Variants in DPF2 observed in about 807,000 individuals in gnomAD.
The protein encoded by DPF2 is double PHD fingers 2.
DPF2 carries 10 observed loss-of-function variants against 59.6 expected under a neutral mutation model. The observed-to-expected ratio is 0.17, with a 90% CI of 0.10 to 0.28. The LOEUF (loss-of-function observed/expected upper bound fraction) is 0.28, where lower values mean the gene tolerates loss of function less well. Among genes scored for constraint, DPF2 ranks in the 10% least tolerant of loss-of-function variants. The pLI is 1.00. For missense variants in DPF2, 315 were observed against 509.4 expected (o/e 0.62, Z 3.67); for synonymous variants, 189 against 190.6 (o/e 0.99, Z 0.07).
At chr11:65,339,283 G>C (rs1854296421) in intron 1 of DPF2, among the ~76,000 whole-genome samples, 1 of 151,722 alleles carries the variant, frequency 6.6e-6, no homozygotes, top group Non-Finnish European at 1.5e-5. Context: ...ATAAGATCGA[G>C]TTTGTTAACC....
rs746954424 is a variant in DPF2 at position 65,344,029 on chromosome 11, T to C, written c.597T>C (p.Ala199=). ...GVGSARKKLD[A]SILEDRDKPY... is the part of the protein sequence containing the mutation. ...GCAGTGCCCGTAAGAAGCTGGATGC[T>C]TCCATCCTGGAGGACCGGGATAAGC... Residue 199 remains alanine (A), a synonymous_variant, in exon 6 of 11, where the codon GCT becomes GCC. Transcript: ENST00000528416. 2 of 1,614,212 alleles carry C rather than the reference T, an allele frequency of 1.2e-6. No individual in the cohort carries two copies. Among genetic ancestry groups the C allele is most frequent in the Non-Finnish European group, 1.7e-6 (2 of 1,180,036 alleles).
At chr11:65,340,339 T>TG in intron 1 of DPF2, 46 bp from the exon 2 acceptor site, 1 of 1,602,400 alleles carries the variant, frequency 6.2e-7, no homozygotes. Context: ...CAGCACCCTA[T>TG]GCCCCCCGCT....
intron 6 of DPF2, chr11:65,344,493 C>G (rs544502946): frequency 7.3e-7 from 1 of 1,377,296 alleles, no homozygotes; most frequent in Admixed American, 2.1e-5. Flanking sequence ...GGGTTTCTCT[C>G]TCGTTTGCTC....
chr11:65,346,442 C>G, intron 9 of DPF2, 83 bp downstream of exon 9: 1 of 1,300,930 alleles, frequency 7.7e-7, no homozygotes, highest in South Asian at 1.3e-5. Flanking sequence ...AGTGAGCTTT[C>G]TTTTAAAAAG....
chr11:65,346,138 C>T, intron 8 of DPF2, 80 bp downstream of exon 8: 1 of 1,600,422 alleles, frequency 6.2e-7, no homozygotes, highest in Non-Finnish European at 8.5e-7. Flanking sequence ...GCTGTCATAA[C>T]CAGCCCACCT....
intron 6 of DPF2, chr11:65,344,388 G>C: frequency 3.1e-6 from 2 of 635,138 alleles, no homozygotes; most frequent in Non-Finnish European, 5.4e-6. Context: ...GGCCCCAGGG[G>C]TCTGACACTG....
chr11:65,346,455 A>ATCCT, intron 9 of DPF2, 96 bp downstream of exon 9: 6 of 1,135,414 alleles, frequency 5.3e-6, no homozygotes, highest in Non-Finnish European at 6.3e-6. Flanking sequence ...TTAAAAAGGG[A>ATCCT]GCAGGATCCC....
rs1555030932 is a variant in DPF2 at position 65,344,026 on chromosome 11, T to G, written c.594T>G (p.Asp198Glu). 2.5e-6 allele frequency: 4 copies of G among 1,614,214 alleles called. No individual in the cohort carries two copies. ...KGVGSARKKL[D>E]ASILEDRDKP... ...TGGGCAGTGCCCGTAAGAAGCTGGA[T>G]GCTTCCATCCTGGAGGACCGGGATA... Residue 198 changes from aspartate (D) to glutamate (E), a missense_variant, in exon 6 of 11, where the codon GAT becomes GAG. Physicochemically the swap from Asp to Glu is conservative, Grantham distance 45 (BLOSUM62 2). Coordinates refer to ENST00000528416, the MANE Select transcript of DPF2 (RefSeq NM_006268.5).
intron 6 of DPF2, 33 bp downstream of exon 6, chr11:65,344,102 G>GCC: frequency 6.2e-7 from 1 of 1,606,482 alleles, no homozygotes; most frequent in South Asian, 1.1e-5. Context: ...GGTAGACCTT[G>GCC]CCTTGGACCC....
chr11:65,337,466 AAAAAAAAAATAT>A (rs1335136840), intron 1 of DPF2, among the ~76,000 whole-genome samples: 2 of 68,658 alleles, frequency 2.9e-5, no homozygotes, highest in African/African-American at 1.1e-4. Flanking sequence ...AAAAAAAAAA[AAAAAAAAAATAT>A]ATATATATAT....
chr11:65,348,634 G>T, intron 9 of DPF2: 1 of 400,226 alleles, frequency 2.5e-6, no homozygotes, highest in Non-Finnish European at 4.5e-6. Context: ...AAAAAAAAGT[G>T]GAGGTGATTT....
intron 10 of DPF2, among the ~76,000 whole-genome samples, chr11:65,349,187 A>T (rs1414676730): frequency 6.6e-6 from 1 of 152,224 alleles, no homozygotes; most frequent in East Asian, 1.9e-4. Context: ...TCAGGCACCC[A>T]GAAGGAATGA....
chr11:65,335,851 C>A (rs558901043), intron 1 of DPF2, among the ~76,000 whole-genome samples: 4 of 151,966 alleles, frequency 2.6e-5, no homozygotes, highest in African/African-American at 9.7e-5. Context: ...TCACTGTTGT[C>A]GGCCCGGGCT....
chr11:65,345,877 T>A, intron 7 of DPF2, 53 bp from the exon 8 acceptor site: 1 of 1,613,308 alleles, frequency 6.2e-7, no homozygotes, highest in South Asian at 1.1e-5. Flanking sequence ...TGCATGGGTG[T>A]TGAGTGGCTC....
chr11:65,338,886 C>T (rs4647567), intron 1 of DPF2, among the ~76,000 whole-genome samples: 25 of 152,070 alleles, frequency 1.6e-4, no homozygotes, highest in Non-Finnish European at 3.2e-4. Flanking sequence ...CTGTCTCATC[C>T]CCAGGCTGTT....
At chr11:65,348,803 C>T (rs1309508739) in intron 9 of DPF2, 47 bp from the exon 10 acceptor site, 1 of 1,595,944 alleles carries the variant, frequency 6.3e-7, no homozygotes, top group East Asian at 2.2e-5. Context: ...TGGCCTGAGG[C>T]ACATCAGTTA....
intron 4 of DPF2, 188 bp from the exon 5 acceptor site, chr11:65,343,557 A>G: frequency 1.7e-6 from 1 of 597,584 alleles, no homozygotes. Flanking sequence ...CAGGGGAAAG[A>G]TATCCCAAAG....
intron 10 of DPF2, among the ~76,000 whole-genome samples, chr11:65,349,712 C>T (rs1415062551): frequency 2.0e-5 from 3 of 151,758 alleles, no homozygotes; most frequent in Non-Finnish European, 2.9e-5. Context: ...AGGAGAATGG[C>T]GTGAACCCGG....
intron 8 of DPF2, 49 bp downstream of exon 8, chr11:65,346,107 C>T (rs777520682): frequency 6.2e-7 from 1 of 1,609,924 alleles, no homozygotes; most frequent in Non-Finnish European, 8.5e-7. Flanking sequence ...CCAAGGGGCT[C>T]TTGGCTTGCT....
Sources: allele counts gnomAD v4.1 joint callset (sites outside exome capture counted in the v4.1 genomes callset), GRCh38; gene constraint gnomAD v4.1.1; transcripts MANE v1.5; gene names NCBI Gene and HGNC (gene_info 2026-07-23, HGNC 2026-07-21).